KCNT2: variants seen among roughly 807,000 people sequenced by gnomAD.
The protein encoded by KCNT2 is potassium sodium-activated channel subfamily T member 2, also known as potassium channel subfamily T member 2.
A neutral mutation model predicts 153.8 loss-of-function variants in KCNT2; 67 were observed. The observed-to-expected ratio is 0.44, with a 90% CI of 0.36 to 0.53. The LOEUF is 0.53. Among genes scored for constraint, KCNT2 ranks in the 20% least tolerant of loss-of-function variants. The pLI is 0.00. For missense variants in KCNT2, 975 were observed against 1,354.8 expected (o/e 0.72, Z 4.40); for synonymous variants, 500 against 458.8 (o/e 1.09, Z -1.15).
At chr1:196,232,285 CAAATT>C (rs1654023299) in intron 27 of KCNT2, among the ~76,000 whole-genome samples, 1 of 151,664 alleles carries the variant, frequency 6.6e-6, no homozygotes, top group African/African-American at 2.4e-5. Flanking sequence ...TTGTTCGCAT[CAAATT>C]AATGTTGCTT....
intron 1 of KCNT2, among the ~76,000 whole-genome samples, chr1:196,545,976 T>C (rs1336831709): frequency 3.3e-5 from 5 of 152,194 alleles, no homozygotes; most frequent in East Asian, 3.9e-4. Flanking sequence ...AACACTGCTG[T>C]AAATATTAAC....
At chr1:196,336,606 T>C (rs1665061789) in intron 16 of KCNT2, among the ~76,000 whole-genome samples, 1 of 152,186 alleles carries the variant, frequency 6.6e-6, no homozygotes, top group Admixed American at 6.6e-5. Flanking sequence ...CCAGACCTAC[T>C]GTTTCTAATT....
chr1:196,408,624 T>C (rs1484292511), intron 12 of KCNT2, among the ~76,000 whole-genome samples: 1 of 151,686 alleles, frequency 6.6e-6, no homozygotes, highest in African/African-American at 2.4e-5. Flanking sequence ...TAATTTTTCT[T>C]ATTTTATCTT....
At chr1:196,461,768 C>A (rs560823093) in intron 8 of KCNT2, among the ~76,000 whole-genome samples, 1 of 151,632 alleles carries the variant, frequency 6.6e-6, no homozygotes, top group South Asian at 2.1e-4. Context: ...TTACAATGAC[C>A]GAAAAAACAA....
intron 8 of KCNT2, among the ~76,000 whole-genome samples, chr1:196,446,576 A>G (rs1252687710): frequency 6.6e-6 from 1 of 151,494 alleles, no homozygotes; most frequent in Non-Finnish European, 1.5e-5. Flanking sequence ...CTTTTCATCA[A>G]TTACCCCCAA....
chr1:196,295,733 T>C (rs1409009327), intron 22 of KCNT2, among the ~76,000 whole-genome samples: 1 of 151,986 alleles, frequency 6.6e-6, no homozygotes, highest in South Asian at 2.1e-4. Flanking sequence ...TCATTCAAGA[T>C]ATTAGTTTTA....
intron 1 of KCNT2, among the ~76,000 whole-genome samples, chr1:196,526,015 CTGTGTG>C (rs369541629): frequency 0.057 from 8,021 of 140,076 alleles, 705 homozygotes; most frequent in African/African-American, 0.19. Context: ...AGAACTGACT[CTGTGTG>C]TGTGTGTGTG....
At chr1:196,330,317 C>A (rs1375696015) in intron 18 of KCNT2, among the ~76,000 whole-genome samples, 16 of 151,672 alleles carry the variant, frequency 1.1e-4, no homozygotes. Flanking sequence ...ATTATATAAT[C>A]CCTGTAAGAG....
intron 1 of KCNT2, among the ~76,000 whole-genome samples, chr1:196,572,256 C>G (rs1660866591): frequency 6.6e-6 from 1 of 152,108 alleles, no homozygotes; most frequent in Non-Finnish European, 1.5e-5. Flanking sequence ...CCTGGAACTT[C>G]TCTCAGTATA....
intron 14 of KCNT2, among the ~76,000 whole-genome samples, chr1:196,355,487 A>G (rs1572151153): frequency 1.3e-5 from 2 of 151,946 alleles, no homozygotes; most frequent in Non-Finnish European, 2.9e-5. Flanking sequence ...AGCATTATTG[A>G]CAGTGATCAT....
intron 4 of KCNT2, 142 bp downstream of exon 4, chr1:196,482,189 A>C: frequency 1.6e-6 from 1 of 613,082 alleles, no homozygotes; most frequent in South Asian, 2.0e-5. Flanking sequence ...AAAGAAATGA[A>C]AATGTTAGTC....
chr1:196,558,883 AAGTTT>A (rs907573640), intron 1 of KCNT2, among the ~76,000 whole-genome samples: 3 of 151,602 alleles, frequency 2.0e-5, no homozygotes, highest in African/African-American at 7.2e-5. Flanking sequence ...TACATCACAC[AAGTTT>A]ATATAAACTT....
At chr1:196,443,537 A>G (rs903448190) in intron 8 of KCNT2, among the ~76,000 whole-genome samples, 6 of 151,536 alleles carry the variant, frequency 4.0e-5, no homozygotes, top group South Asian at 2.1e-4. Flanking sequence ...GAACAAACAC[A>G]TGGGAAAAAA....
chr1:196,378,883 C>A (rs1045487137), intron 13 of KCNT2, among the ~76,000 whole-genome samples: 1 of 149,494 alleles, frequency 6.7e-6, no homozygotes, highest in Non-Finnish European at 1.5e-5. Flanking sequence ...AGAACCATCG[C>A]TAAAACTACT....
In KCNT2 at chr1:196,451,415, T is replaced by C. The variant is rs1336933683; in HGVS notation, c.638+13878A>G. Among the ~76,000 whole-genome samples the C allele has an allele frequency of 5.7e-4, 70 of 122,360 alleles. No homozygotes were observed. The East Asian group carries it at 0.017, about 31-fold the overall frequency. 80.3% of individuals were successfully genotyped at this position (122,360 alleles called of 152,430 possible). On this transcript the variant is annotated intron_variant, in intron 8 of 27. Transcript: ENST00000294725. Reference sequence around the variant, plus strand: ...GCTACCACACCCAACACATTTTTTTTTTTTTTTTTTTTTTTTTGGATTTTA... The same window carrying C: ...GCTACCACACCCAACACATTTTTTTCTTTTTTTTTTTTTTTTTGGATTTTA...
intron 5 of KCNT2, among the ~76,000 whole-genome samples, chr1:196,474,052 G>C (rs1335934970): frequency 6.6e-6 from 1 of 151,804 alleles, no homozygotes; most frequent in East Asian, 1.9e-4. Flanking sequence ...ATTATTGACA[G>C]AATTCAATAA....
At chr1:196,432,061 G>A (rs1332971807) in intron 8 of KCNT2, among the ~76,000 whole-genome samples, 1 of 152,052 alleles carries the variant, frequency 6.6e-6, no homozygotes, top group African/African-American at 2.4e-5. Flanking sequence ...GGCCTCAAGA[G>A]TCAGCTTTCT....
chr1:196,333,532 A>C (rs1315253035), intron 17 of KCNT2, among the ~76,000 whole-genome samples: 1 of 152,120 alleles, frequency 6.6e-6, no homozygotes, highest in Non-Finnish European at 1.5e-5. Flanking sequence ...TATAAAAACC[A>C]TACAATTATG....
In KCNT2 at chr1:196,429,568, T is replaced by G; in HGVS notation, c.819+9A>C. On this transcript the variant is annotated intron_variant, in intron 9 of 27. Transcript: ENST00000294725. ...ACATTTCTATGCAATATAAGATGGTTTTGTTTACCTGTATGGGTAGAACCA... is the reference window on the plus strand; with the variant it reads ...ACATTTCTATGCAATATAAGATGGTGTTGTTTACCTGTATGGGTAGAACCA... 6.3e-7 allele frequency: 1 copy of G among 1,584,610 alleles called. No individual in the cohort carries two copies. The highest frequency in any genetic ancestry group is 8.6e-7 in the Non-Finnish European group (1 of 1,166,654).
Sources: gnomAD v4.1 joint callset for allele counts (sites outside exome capture counted in the v4.1 genomes callset) on GRCh38, gnomAD v4.1.1 for gene constraint, MANE v1.5 for transcripts, NCBI Gene and HGNC (gene_info 2026-07-23, HGNC 2026-07-21) for gene names.